NEDD4: variants seen among roughly 807,000 people sequenced by gnomAD.
NEDD4 encodes the protein NEDD4 E3 ubiquitin protein ligase, also known as E3 ubiquitin-protein ligase NEDD4.
In NEDD4, 99 loss-of-function variants were observed where a neutral mutation model predicts 144.9. The observed-to-expected ratio is 0.68, with a 90% CI of 0.58 to 0.81. The LOEUF (loss-of-function observed/expected upper bound fraction) is 0.81, where lower values mean the gene tolerates loss of function less well. Ranked by LOEUF, NEDD4 falls within the 30% of genes least tolerant of loss-of-function variation. The pLI is 0.00. For synonymous variants in NEDD4, 318 were observed against 350.6 expected (o/e 0.91, Z 1.04); for missense variants, 985 against 1,065.9 (o/e 0.92, Z 1.06).
At chr15:55,903,136 A>C (rs1395385366) in intron 5 of NEDD4, among the ~76,000 whole-genome samples, 1 of 152,222 alleles carries the variant, frequency 6.6e-6, no homozygotes, top group Non-Finnish European at 1.5e-5. Context: ...TGGACTATAC[A>C]TTCTTCAGAG....
intron 5 of NEDD4, among the ~76,000 whole-genome samples, chr15:55,905,527 G>C (rs1439916161): frequency 6.6e-6 from 1 of 152,096 alleles, no homozygotes; most frequent in African/African-American, 2.4e-5. Flanking sequence ...AGGGACCAAA[G>C]GGAACCAGAG....
chr15:55,906,525 C>T (rs543376363), intron 5 of NEDD4, among the ~76,000 whole-genome samples: 26 of 151,928 alleles, frequency 1.7e-4, no homozygotes, highest in Non-Finnish European at 2.8e-4. Context: ...AGCAAACTAT[C>T]GCAGGGACAA....
intron 5 of NEDD4, among the ~76,000 whole-genome samples, chr15:55,911,774 C>T (rs1045142099): frequency 7.2e-5 from 11 of 152,166 alleles, no homozygotes; most frequent in Admixed American, 3.3e-4. Context: ...GTGATCCGCC[C>T]GTCTCGGCCT....
chr15:55,979,368 A>T (rs1407407987), intron 1 of NEDD4, among the ~76,000 whole-genome samples: 4 of 102,074 alleles, frequency 3.9e-5, no homozygotes, highest in Non-Finnish European at 3.6e-5. Context: ...TTTTTTTGAG[A>T]CGGAGTCTCG....
chr15:55,904,069 G>A (rs1260271574), intron 5 of NEDD4, among the ~76,000 whole-genome samples: 2 of 151,948 alleles, frequency 1.3e-5, no homozygotes, highest in African/African-American at 4.8e-5. Flanking sequence ...GGCTGGGGCA[G>A]GAGAATCGTT....
intron 5 of NEDD4, among the ~76,000 whole-genome samples, chr15:55,901,461 C>T (rs1200137752): frequency 2.6e-5 from 4 of 152,116 alleles, no homozygotes; most frequent in Non-Finnish European, 4.4e-5. Flanking sequence ...TCCTTCAGTA[C>T]ATCCAGTGTT....
chr15:55,925,969 T>C (rs569399410), intron 4 of NEDD4, among the ~76,000 whole-genome samples: 8 of 152,112 alleles, frequency 5.3e-5, no homozygotes, highest in African/African-American at 1.9e-4. Flanking sequence ...AGTATGTATA[T>C]GTAAAAATAC....
intron 5 of NEDD4, among the ~76,000 whole-genome samples, chr15:55,875,903 G>T (rs528556444): frequency 6.6e-6 from 1 of 152,166 alleles, no homozygotes; most frequent in Middle Eastern, 3.4e-3. Flanking sequence ...AGCTGAGACA[G>T]TCAATAAAGT....
At position 55,972,734 on chromosome 15, in the gene NEDD4, G is replaced by C. The variant is rs370742322; in HGVS notation, c.46-6188C>G. Among the ~76,000 whole-genome samples the C allele has an allele frequency of 9.9e-5, 15 of 152,242 alleles. No individual in the cohort carries two copies. In the East Asian group the frequency reaches 2.7e-3, roughly 27 times the overall value. On this transcript the variant is annotated intron_variant, in intron 1 of 28. Coordinates refer to ENST00000435532, the MANE Select transcript of NEDD4 (RefSeq NM_006154.4). ...ACAAAACAGTACCCAACAATCTGTT[G>C]CATACAAGAAACACACTTCACCTAT...
intron 2 of NEDD4, among the ~76,000 whole-genome samples, chr15:55,958,027 G>C (rs1260095731): frequency 6.6e-6 from 1 of 152,136 alleles, no homozygotes; most frequent in Non-Finnish European, 1.5e-5. Context: ...TAAACGATGA[G>C]TTGATGGGTG....
chr15:55,936,994 T>C (rs1413099012), intron 4 of NEDD4, among the ~76,000 whole-genome samples: 1 of 152,110 alleles, frequency 6.6e-6, no homozygotes, highest in East Asian at 1.9e-4. Flanking sequence ...GGTTTCACCA[T>C]ATTGGCCGGG....
At chr15:55,950,870 A>T (rs2037225990) in intron 4 of NEDD4, among the ~76,000 whole-genome samples, 1 of 152,186 alleles carries the variant, frequency 6.6e-6, no homozygotes, top group African/African-American at 2.4e-5. Context: ...TGGCAACAGT[A>T]AGTACTCTGA....
chr15:55,938,435 T>A (rs768967114), intron 4 of NEDD4, among the ~76,000 whole-genome samples: 5 of 151,954 alleles, frequency 3.3e-5, no homozygotes, highest in Non-Finnish European at 5.9e-5. Context: ...TTGACCCTTA[T>A]CTTAAAACAA....
intron 27 of NEDD4, 136 bp from the exon 28 acceptor site, chr15:55,830,722 T>C (rs777072893): frequency 6.3e-5 from 43 of 686,010 alleles, no homozygotes; most frequent in Non-Finnish European, 1.0e-4. Context: ...ATTTTAGAGA[T>C]GGGGTATCCC....
intron 17 of NEDD4, among the ~76,000 whole-genome samples, chr15:55,847,708 G>A (rs1278332309): frequency 1.1e-4 from 14 of 129,624 alleles, no homozygotes; most frequent in South Asian, 2.4e-4. Context: ...ATGGAGTCTC[G>A]CTCTGTTGTC....
chr15:55,838,707 G>T, intron 21 of NEDD4, 103 bp from the exon 22 acceptor site: 2 of 698,362 alleles, frequency 2.9e-6, no homozygotes, highest in South Asian at 1.8e-5. Flanking sequence ...AAAGATGAGA[G>T]GTCAGATGGA....
intron 18 of NEDD4, among the ~76,000 whole-genome samples, chr15:55,843,665 TGGAA>T (rs1355625244): frequency 1.3e-5 from 2 of 151,920 alleles, no homozygotes; most frequent in African/African-American, 4.8e-5. Flanking sequence ...TTAGGGAAAA[TGGAA>T]AGCCCTATAG....
intron 2 of NEDD4, among the ~76,000 whole-genome samples, chr15:55,961,494 G>A (rs1474519933): frequency 7.7e-6 from 1 of 129,474 alleles, no homozygotes; most frequent in African/African-American, 2.9e-5. Flanking sequence ...TATTTGAGAC[G>A]CAGTCTCACT....
chr15:55,980,562 G>T (rs185471758), intron 1 of NEDD4, among the ~76,000 whole-genome samples: 1 of 152,058 alleles, frequency 6.6e-6, no homozygotes, highest in African/African-American at 2.4e-5. Context: ...ACCAAACAAA[G>T]GAATAAATTT....
Sources: gnomAD v4.1 joint callset for allele counts (sites outside exome capture counted in the v4.1 genomes callset) on GRCh38, gnomAD v4.1.1 for gene constraint, MANE v1.5 for transcripts, NCBI Gene and HGNC (gene_info 2026-07-23, HGNC 2026-07-21) for gene names.